PDE4B: variants seen among roughly 807,000 people sequenced by gnomAD.
PDE4B encodes 3',5'-cyclic-AMP phosphodiesterase 4B.
In PDE4B, 20 loss-of-function variants were observed where a neutral mutation model predicts 82.2. That is an observed-to-expected ratio of 0.24 (90% CI 0.17 to 0.35). The LOEUF (loss-of-function observed/expected upper bound fraction) is 0.35. Ranked by LOEUF, PDE4B falls within the 10% of genes least tolerant of loss-of-function variation. The pLI is 1.00. For missense variants in PDE4B, 655 were observed against 907.2 expected (o/e 0.72, Z 3.57); for synonymous variants, 320 against 318.9 (o/e 1.00, Z -0.04).
chr1:65,954,739 T>C (rs1223171738), intron 3 of PDE4B, among the ~76,000 whole-genome samples: 1 of 152,146 alleles, frequency 6.6e-6, no homozygotes, highest in Non-Finnish European at 1.5e-5. Flanking sequence ...CATTTGATAC[T>C]ATTTCTAAAT....
intron 3 of PDE4B, among the ~76,000 whole-genome samples, chr1:66,032,644 A>AT (rs1653845295): frequency 7.1e-6 from 1 of 140,698 alleles, no homozygotes; most frequent in Admixed American, 8.0e-5. Flanking sequence ...CCATGGTATC[A>AT]TTTATCTAAT....
At chr1:66,132,362 T>C (rs1645966856) in intron 3 of PDE4B, among the ~76,000 whole-genome samples, 1 of 152,180 alleles carries the variant, frequency 6.6e-6, no homozygotes, top group Admixed American at 6.5e-5. Flanking sequence ...GAATTTTAGG[T>C]TTCTTTTTTA....
chr1:66,014,193 C>T (rs1255840840), intron 3 of PDE4B, among the ~76,000 whole-genome samples: 2 of 152,038 alleles, frequency 1.3e-5, no homozygotes, highest in Non-Finnish European at 1.5e-5. Flanking sequence ...TAGGTATTAG[C>T]CCATTGTCAG....
intron 7 of PDE4B, among the ~76,000 whole-genome samples, chr1:66,276,162 T>G (rs1211674755): frequency 1.3e-5 from 2 of 152,244 alleles, no homozygotes; most frequent in African/African-American, 4.8e-5. Flanking sequence ...GGTAAGGGGC[T>G]AGTGCTTATT....
rs188599600 is a variant in PDE4B, at chr1:65,857,628, G to T, written c.-70-55617G>T. On this transcript the variant is annotated intron_variant, in intron 1 of 16. Coordinates refer to ENST00000341517, the MANE Select transcript of PDE4B (RefSeq NM_002600.4). ...CTTGAGCCCAGGAGTTTGAATTCAG[G>T]CTGGACAACATAGCAAGACCCTGCC... 7.5e-4 allele frequency among the ~76,000 whole-genome samples: 114 copies of T among 152,260 alleles called. 2 individuals are homozygous for T. The highest frequency in any genetic ancestry group is 1.5e-3 in the Non-Finnish European group (100 of 68,012).
chr1:65,940,660 G>T (rs1569761315), intron 3 of PDE4B, among the ~76,000 whole-genome samples: 2 of 152,146 alleles, frequency 1.3e-5, no homozygotes, highest in African/African-American at 2.4e-5. Flanking sequence ...AAGTCTTCAA[G>T]AATCAATCAT....
At chr1:65,908,835 G>A (rs1647056018) in intron 1 of PDE4B, among the ~76,000 whole-genome samples, 1 of 152,110 alleles carries the variant, frequency 6.6e-6, no homozygotes, top group Non-Finnish European at 1.5e-5. Context: ...GATTTTACCA[G>A]AGAAGCAGAG....
At chr1:65,948,499 C>G (rs1557451989) in intron 3 of PDE4B, among the ~76,000 whole-genome samples, 1 of 151,824 alleles carries the variant, frequency 6.6e-6, no homozygotes, top group South Asian at 2.1e-4. Flanking sequence ...AGAGGCTAGA[C>G]CAGTCTCTCC....
chr1:65,944,897 C>T (rs1648627915), intron 3 of PDE4B, among the ~76,000 whole-genome samples: 1 of 151,914 alleles, frequency 6.6e-6, no homozygotes, highest in African/African-American at 2.4e-5. Flanking sequence ...GCTATAGCTG[C>T]TACCTGGTCA....
At chr1:65,822,473 G>A (rs935735578) in intron 1 of PDE4B, among the ~76,000 whole-genome samples, 1 of 152,072 alleles carries the variant, frequency 6.6e-6, no homozygotes, top group African/African-American at 2.4e-5. Context: ...GAGAATTTGT[G>A]GTGCTTCATA....
At chr1:65,923,148 G>T (rs1210779670) in intron 3 of PDE4B, among the ~76,000 whole-genome samples, 6 of 152,242 alleles carry the variant, frequency 3.9e-5, no homozygotes, top group Middle Eastern at 3.4e-3. Flanking sequence ...TTAGAAGGAG[G>T]GTTTCCTAAC....
intron 7 of PDE4B, 75 bp from the exon 8 acceptor site, chr1:66,332,433 G>A (rs773466342): frequency 5.6e-6 from 9 of 1,614,032 alleles, no homozygotes; most frequent in East Asian, 4.5e-5. Context: ...GGAATCAGCG[G>A]TGGTAGCGGT....
intron 1 of PDE4B, among the ~76,000 whole-genome samples, chr1:65,889,343 T>G (rs192596747): frequency 6.6e-6 from 1 of 152,266 alleles, no homozygotes; most frequent in East Asian, 1.9e-4. Flanking sequence ...GCTAGTGTTT[T>G]GTTGAGGATT....
At chr1:66,136,697 CAAAA>C (rs5774802) in intron 3 of PDE4B, among the ~76,000 whole-genome samples, 3 of 61,552 alleles carry the variant, frequency 4.9e-5, no homozygotes, top group African/African-American at 2.1e-4. Flanking sequence ...GACTCCCTCT[CAAAA>C]AAAAAAAAAA....
At chr1:65,957,775 G>A (rs1649332405) in intron 3 of PDE4B, among the ~76,000 whole-genome samples, 1 of 151,750 alleles carries the variant, frequency 6.6e-6, no homozygotes, top group Non-Finnish European at 1.5e-5. Flanking sequence ...CTTCACTTTT[G>A]CTACTATTGT....
intron 3 of PDE4B, among the ~76,000 whole-genome samples, chr1:66,119,482 T>A (rs565038742): frequency 3.2e-4 from 42 of 130,356 alleles, no homozygotes; most frequent in Admixed American, 2.6e-3. Flanking sequence ...GTGCGTGTAT[T>A]CACTTCCCAG....
Position 65,820,919 on chromosome 1 carries a change from T to C in PDE4B, c.-71+27671T>C, listed in dbSNP as rs543755784. ...CAACTCTGGTTTACTTTTTGACACATTGAAATCTCTGTAAGGTAAGTCAGG... is the reference window on the plus strand; with the variant it reads ...CAACTCTGGTTTACTTTTTGACACACTGAAATCTCTGTAAGGTAAGTCAGG... On this transcript the variant is annotated intron_variant, in intron 1 of 16. Coordinates refer to ENST00000341517, the MANE Select transcript of PDE4B (RefSeq NM_002600.4). Among the ~76,000 whole-genome samples the C allele has an allele frequency of 1.9e-4, 29 of 152,346 alleles. 1 individual carries two copies. The South Asian group carries it at 5.6e-3, about 29-fold the overall frequency.
At chr1:65,849,211 G>A (rs1646301775) in intron 1 of PDE4B, among the ~76,000 whole-genome samples, 1 of 152,182 alleles carries the variant, frequency 6.6e-6, no homozygotes, top group African/African-American at 2.4e-5. Context: ...CAAGGGGTAA[G>A]TGTTGATGGA....
At chr1:66,264,430 T>C (rs1049897614) in intron 6 of PDE4B, among the ~76,000 whole-genome samples, 1 of 152,234 alleles carries the variant, frequency 6.6e-6, no homozygotes, top group Non-Finnish European at 1.5e-5. Context: ...TGTGTCAGTA[T>C]GTTTCTTAAA....
Sources: gnomAD v4.1 joint callset for allele counts (sites outside exome capture counted in the v4.1 genomes callset) on GRCh38, gnomAD v4.1.1 for gene constraint, MANE v1.5 for transcripts, NCBI Gene and HGNC (gene_info 2026-07-23, HGNC 2026-07-21) for gene names.